Variants in DDX59 observed in about 807,000 individuals in gnomAD.
DDX59 encodes DEAD-box helicase 59.
DDX59 carries 30 observed loss-of-function variants against 51.9 expected under a neutral mutation model. The ratio of observed to expected loss-of-function variants is 0.58; its 90% confidence interval spans 0.43 to 0.78. DDX59 has a LOEUF of 0.78. Ranked by LOEUF, DDX59 falls within the 30% of genes least tolerant of loss-of-function variation. The pLI, the probability that DDX59 is intolerant of heterozygous loss-of-function variation, is 0.00. For synonymous variants in DDX59, 255 were observed against 253.3 expected (o/e 1.01, Z -0.06); for missense variants, 672 against 730.8 (o/e 0.92, Z 0.93).
At chr1:200,657,844 G>C (rs1050258217) in intron 4 of DDX59, among the ~76,000 whole-genome samples, 11 of 152,048 alleles carry the variant, frequency 7.2e-5, no homozygotes, top group Admixed American at 5.2e-4. Context: ...TTGAACGCAG[G>C]AGGTGGAGGT....
intron 4 of DDX59, among the ~76,000 whole-genome samples, chr1:200,652,556 A>T (rs945288223): frequency 2.6e-5 from 4 of 151,842 alleles, no homozygotes; most frequent in Admixed American, 2.0e-4. Context: ...TTTAGTAGAG[A>T]TGGGGTTTTG....
chr1:200,659,707 T>C (rs1662257868), intron 3 of DDX59, among the ~76,000 whole-genome samples: 1 of 152,166 alleles, frequency 6.6e-6, no homozygotes, highest in South Asian at 2.1e-4. Flanking sequence ...GGGGGCTTTT[T>C]GTTGTTGTTG....
rs752268438 is a variant in DDX59 at position 200,665,954 on chromosome 1, T to C, written c.787A>G (p.Met263Val). Residue 263 changes from methionine to valine, a missense_variant, in exon 2 of 8, where the codon ATG becomes GTG. Physicochemically the swap from Met to Val is conservative, Grantham distance 21 (BLOSUM62 1). Coordinates refer to ENST00000331314, the MANE Select transcript of DDX59 (RefSeq NM_001031725.6). ...KTAAFLLPVIMRALFESKTPS... is the reference protein window; with the variant it reads ...KTAAFLLPVIVRALFESKTPS... ...ACACTTACCTCGAATAAAGCTCGCATGATAACAGGAAGAAGAAAAGCAGCT... is the reference window on the plus strand; with the variant it reads ...ACACTTACCTCGAATAAAGCTCGCACGATAACAGGAAGAAGAAAAGCAGCT... The C allele has an allele frequency of 4.4e-6, 7 of 1,608,352 alleles. No homozygotes were observed. In the South Asian group the frequency reaches 4.4e-5, roughly 10 times the overall value.
At chr1:200,641,820 T>C (rs1661058573), downstream of DDX59, among the ~76,000 whole-genome samples, 1 of 152,064 alleles carries the variant, frequency 6.6e-6, no homozygotes, top group African/African-American at 2.4e-5. Flanking sequence ...CTGGCCAACA[T>C]GGTGAAACCC....
intron 7 of DDX59, 87 bp from the exon 8 acceptor site, chr1:200,644,604 T>C (rs1661177545): frequency 6.2e-6 from 9 of 1,456,172 alleles, no homozygotes; most frequent in Admixed American, 2.6e-5. Flanking sequence ...TTACTTAAAG[T>C]AGCATTACTG....
chr1:200,646,989 C>T (rs533460842), intron 7 of DDX59, among the ~76,000 whole-genome samples: 5 of 152,168 alleles, frequency 3.3e-5, no homozygotes, highest in Non-Finnish European at 7.3e-5. Context: ...AAACAATCAA[C>T]CCCCGTGGAA....
chr1:200,656,382 G>A (rs1214348551), intron 4 of DDX59, among the ~76,000 whole-genome samples: 5 of 152,094 alleles, frequency 3.3e-5, no homozygotes, highest in African/African-American at 7.2e-5. Context: ...ATATGATAAC[G>A]TTCTCGCCTT....
chr1:200,655,586 A>T (rs1469567111), intron 4 of DDX59, among the ~76,000 whole-genome samples: 1 of 152,178 alleles, frequency 6.6e-6, no homozygotes, highest in African/African-American at 2.4e-5. Context: ...AGAATTCTTC[A>T]AGCTGGTGGT....
At chr1:200,650,093 C>T (rs1661559888) in intron 5 of DDX59, among the ~76,000 whole-genome samples, 1 of 152,102 alleles carries the variant, frequency 6.6e-6, no homozygotes, top group Non-Finnish European at 1.5e-5. Flanking sequence ...ATCTGCCCGC[C>T]TCGGCCTCCT....
intron 1 of DDX59, chr1:200,669,559 C>T (rs1267825118): frequency 6.6e-6 from 1 of 152,336 alleles, no homozygotes; most frequent in Non-Finnish European, 1.5e-5. Flanking sequence ...CGCCCGGCGG[C>T]ACCGCACCCC....
chr1:200,664,635 T>C (rs896622198), intron 2 of DDX59, among the ~76,000 whole-genome samples: 8 of 152,154 alleles, frequency 5.3e-5, no homozygotes, highest in South Asian at 4.1e-4. Flanking sequence ...TACTACTCTT[T>C]AGTTTTCCAA....
At chr1:200,652,767 C>G (rs1473977733) in intron 4 of DDX59, among the ~76,000 whole-genome samples, 4 of 150,452 alleles carry the variant, frequency 2.7e-5, no homozygotes, top group African/African-American at 9.8e-5. Flanking sequence ...CTCCTGGGCT[C>G]AAGTGATCCT....
rs587777067 is a variant in DDX59 at position 200,650,639 on chromosome 1, A to T, written c.1100T>A (p.Val367Glu). The change falls in exon 5 of 8, where the codon GTG (valine) becomes GAG (glutamate). Residue 367 changes from valine (V) to glutamate (E), a missense_variant. By Grantham distance (121) the Val-to-Glu change is moderately radical (BLOSUM62 -2). Transcript: ENST00000331314. Reference protein sequence around the residue: ...TMLKMGFQQQVLDILENIPND... With the variant: ...TMLKMGFQQQELDILENIPND... ...AGGAATGTTTTCCAAAATGTCAAGC[A>T]CTTGTTGTTGAAAACCCATCTTTAA... The T allele has an allele frequency of 6.2e-7, 1 of 1,613,652 alleles. No individual in the cohort carries two copies. The highest frequency in any genetic ancestry group is 8.5e-7 in the Non-Finnish European group (1 of 1,179,664).
chr1:200,647,020 A>T (rs1043424352), intron 7 of DDX59, among the ~76,000 whole-genome samples: 1 of 152,216 alleles, frequency 6.6e-6, no homozygotes, highest in Non-Finnish European at 1.5e-5. Context: ...CCTGATGTGC[A>T]GGTAAATGTG....
chr1:200,658,631 G>A (rs1030263798), intron 4 of DDX59, among the ~76,000 whole-genome samples: 5 of 152,174 alleles, frequency 3.3e-5, no homozygotes, highest in Admixed American at 6.5e-5. Context: ...GGGAGGTTGA[G>A]GCTGCAGTGA....
At chr1:200,668,861 G>A (rs1004662454) in intron 1 of DDX59, among the ~76,000 whole-genome samples, 3 of 152,130 alleles carry the variant, frequency 2.0e-5, no homozygotes, top group African/African-American at 7.2e-5. Context: ...TCCTTTTTAT[G>A]GATCCCAGGT....
chr1:200,669,320 T>G (rs192769893), intron 1 of DDX59, among the ~76,000 whole-genome samples: 1 of 152,096 alleles, frequency 6.6e-6, no homozygotes, highest in East Asian at 1.9e-4. Flanking sequence ...GGGTCTAGAA[T>G]TACTATCCTA....
At chr1:200,658,357 A>C (rs1239356210) in intron 4 of DDX59, among the ~76,000 whole-genome samples, 1 of 152,170 alleles carries the variant, frequency 6.6e-6, no homozygotes. Flanking sequence ...AACATAGAAA[A>C]TCAGGATCAC....
chr1:200,665,360 C>T (rs189751459), intron 2 of DDX59, among the ~76,000 whole-genome samples: 1 of 151,902 alleles, frequency 6.6e-6, no homozygotes, highest in Non-Finnish European at 1.5e-5. Context: ...GAGGCTGAGG[C>T]AGGAGAATCA....
Sources: allele counts gnomAD v4.1 joint callset (sites outside exome capture counted in the v4.1 genomes callset), GRCh38; gene constraint gnomAD v4.1.1; transcripts MANE v1.5; gene names NCBI Gene and HGNC (gene_info 2026-07-23, HGNC 2026-07-21).